Variants in RABGAP1L observed in about 807,000 individuals in gnomAD.
RABGAP1L encodes rab GTPase-activating protein 1-like.
Under a neutral mutation model 137.7 loss-of-function variants are expected in RABGAP1L, and 63 were observed. The ratio of observed to expected loss-of-function variants is 0.46; its 90% CI spans 0.37 to 0.56. The LOEUF (loss-of-function observed/expected upper bound fraction) is 0.56, where lower values mean the gene tolerates loss of function less well. Among genes scored for constraint, RABGAP1L ranks in the 20% least tolerant of loss-of-function variants. The pLI is 0.00. For missense variants in RABGAP1L, 1,095 were observed against 1,244.0 expected (o/e 0.88, Z 1.80); for synonymous variants, 431 against 433.7 (o/e 0.99, Z 0.08).
At chr1:174,414,693 TAA>T (rs1457387718) in intron 13 of RABGAP1L, among the ~76,000 whole-genome samples, 2 of 152,286 alleles carry the variant, frequency 1.3e-5, no homozygotes, top group East Asian at 1.9e-4. Context: ...TAGAAAACTT[TAA>T]GTTATATACC....
chr1:174,416,044 A>AT lies in RABGAP1L; in HGVS notation c.1710+21909dup, dbSNP rs892324331. ...CATATATATATATATATACACACACATTTTTTTTTTCCTGTTTGGCCTGAT... is the reference window on the plus strand; with the variant it reads ...CATATATATATATATATACACACACATTTTTTTTTTTCCTGTTTGGCCTGAT... On this transcript the variant is annotated intron_variant, in intron 13 of 25. Coordinates refer to ENST00000681986, the MANE Select transcript of RABGAP1L (RefSeq NM_001366446.1). Among the ~76,000 whole-genome samples, 215 of 144,358 alleles carry AT rather than the reference A, an allele frequency of 1.5e-3. 20 individuals are homozygous for AT. The highest frequency in any genetic ancestry group is 4.8e-3 in the African/African-American group (183 of 38,168). 94.7% of individuals were successfully genotyped at this position (144,358 alleles called of 152,430 possible).
At chr1:174,899,716 A>C (rs1340198275) in intron 19 of RABGAP1L, among the ~76,000 whole-genome samples, 1 of 152,190 alleles carries the variant, frequency 6.6e-6, no homozygotes, top group African/African-American at 2.4e-5. Context: ...TGGAGAAGGC[A>C]TTCTAATGAC....
intron 19 of RABGAP1L, among the ~76,000 whole-genome samples, chr1:174,892,246 G>A (rs912855565): frequency 3.3e-5 from 5 of 152,216 alleles, no homozygotes; most frequent in Admixed American, 2.6e-4. Flanking sequence ...GCCGCCACCC[G>A]TGAGCGAACT....
At chr1:174,323,245 T>C (rs1680165162) in intron 11 of RABGAP1L, among the ~76,000 whole-genome samples, 1 of 152,058 alleles carries the variant, frequency 6.6e-6, no homozygotes, top group Non-Finnish European at 1.5e-5. Flanking sequence ...CCCTGAGAAA[T>C]AACTATTATC....
intron 19 of RABGAP1L, among the ~76,000 whole-genome samples, chr1:174,852,821 A>AAAT (rs1553264995): frequency 6.6e-6 from 1 of 151,776 alleles, no homozygotes; most frequent in Non-Finnish European, 1.5e-5. Context: ...GTCTCAAAAA[A>AAAT]AAAAATAAAA....
chr1:174,673,065 T>A (rs989328089), intron 14 of RABGAP1L, among the ~76,000 whole-genome samples: 5 of 152,166 alleles, frequency 3.3e-5, no homozygotes, highest in Non-Finnish European at 5.9e-5. Context: ...CCCTAATACA[T>A]ACACACATAA....
chr1:174,373,085 A>G (rs1423535290), intron 12 of RABGAP1L, among the ~76,000 whole-genome samples: 2 of 152,192 alleles, frequency 1.3e-5, no homozygotes, highest in Non-Finnish European at 1.5e-5. Context: ...GTCCACCTAA[A>G]TGTACCTCAT....
At chr1:174,298,805 A>G (rs1162337491) in intron 10 of RABGAP1L, among the ~76,000 whole-genome samples, 1 of 152,156 alleles carries the variant, frequency 6.6e-6, no homozygotes, top group Non-Finnish European at 1.5e-5. Context: ...TGATCATCCT[A>G]TTTATTCCCA....
At chr1:174,657,621 T>A (rs1676058310) in intron 14 of RABGAP1L, among the ~76,000 whole-genome samples, 1 of 152,192 alleles carries the variant, frequency 6.6e-6, no homozygotes, top group South Asian at 2.1e-4. Flanking sequence ...ATATACCACA[T>A]TTTCTTTATC....
At chr1:174,220,825 T>C (rs772422148) in intron 2 of RABGAP1L, 147 bp from the exon 3 acceptor site, 37 of 629,252 alleles carry the variant, frequency 5.9e-5, no homozygotes, top group Non-Finnish European at 9.0e-5. Context: ...TAATGTATTA[T>C]ATATGTGAAA....
At chr1:174,888,348 C>T (rs1012893307) in intron 19 of RABGAP1L, among the ~76,000 whole-genome samples, 1 of 152,126 alleles carries the variant, frequency 6.6e-6, no homozygotes, top group African/African-American at 2.4e-5. Flanking sequence ...GAACTCCCTC[C>T]ACATACCCCT....
At chr1:174,719,259 AG>A (rs754331834) in intron 17 of RABGAP1L, among the ~76,000 whole-genome samples, 83 of 152,346 alleles carry the variant, frequency 5.4e-4, no homozygotes, top group Admixed American at 2.0e-3. Context: ...CCACTTTAAA[AG>A]ATATCTTTAA....
intron 1 of RABGAP1L, among the ~76,000 whole-genome samples, chr1:174,178,689 G>A (rs1666097480): frequency 6.6e-6 from 1 of 152,178 alleles, no homozygotes; most frequent in Non-Finnish European, 1.5e-5. Flanking sequence ...GCAGGGACAT[G>A]GATGAAGCTG....
At chr1:174,463,419 A>G (rs1656931304) in intron 13 of RABGAP1L, among the ~76,000 whole-genome samples, 1 of 150,402 alleles carries the variant, frequency 6.6e-6, no homozygotes. Flanking sequence ...AAAACAAAAA[A>G]CCAAACACCG....
At chr1:174,618,681 A>G (rs1672143555) in intron 13 of RABGAP1L, among the ~76,000 whole-genome samples, 1 of 152,178 alleles carries the variant, frequency 6.6e-6, no homozygotes, top group Admixed American at 6.5e-5. Flanking sequence ...ATAAAACCAC[A>G]AAGATGGGGA....
intron 21 of RABGAP1L, among the ~76,000 whole-genome samples, chr1:174,970,312 T>C (rs1388699536): frequency 1.3e-5 from 2 of 152,252 alleles, no homozygotes; most frequent in East Asian, 3.8e-4. Flanking sequence ...GTCAGTGCTA[T>C]AATGAAAGTC....
chr1:174,491,185 C>T (rs1660192939), intron 13 of RABGAP1L, among the ~76,000 whole-genome samples: 1 of 152,122 alleles, frequency 6.6e-6, no homozygotes, highest in South Asian at 2.1e-4. Flanking sequence ...CTGTGTCTCA[C>T]CTGAAGCCAA....
chr1:174,793,320 G>A (rs1343686142), intron 18 of RABGAP1L, among the ~76,000 whole-genome samples: 1 of 152,128 alleles, frequency 6.6e-6, no homozygotes, highest in Non-Finnish European at 1.5e-5. Context: ...TTTGGTAGGG[G>A]AAAGTTCTCC....
chr1:174,423,671 G>A (rs1016823034), intron 13 of RABGAP1L, among the ~76,000 whole-genome samples: 2 of 152,130 alleles, frequency 1.3e-5, no homozygotes, highest in Admixed American at 1.3e-4. Context: ...CCCTTTTGGA[G>A]GTCTTTTGAA....
Sources: gnomAD v4.1 joint callset for allele counts (sites outside exome capture counted in the v4.1 genomes callset) on GRCh38, gnomAD v4.1.1 for gene constraint, MANE v1.5 for transcripts, NCBI Gene and HGNC (gene_info 2026-07-23, HGNC 2026-07-21) for gene names.